Variants in EIF4G3 observed in about 807,000 individuals in gnomAD.
EIF4G3 encodes eukaryotic translation initiation factor 4 gamma 3.
EIF4G3 carries 34 observed loss-of-function variants against 186.4 expected under a neutral mutation model. That is an observed-to-expected ratio of 0.18 (90% CI 0.14 to 0.24). EIF4G3 has a LOEUF of 0.24. Among genes scored for constraint, EIF4G3 ranks in the 10% least tolerant of loss-of-function variants. EIF4G3 has a pLI of 1.00. For synonymous variants in EIF4G3, 673 were observed against 679.5 expected, an observed-to-expected ratio of 0.99 and a Z score of 0.15; for missense variants, 1,536 against 1,948.5, an observed-to-expected ratio of 0.79 and a Z score of 3.99.
chr1:20,991,963 A>C (rs10799677), intron 7 of EIF4G3, among the ~76,000 whole-genome samples: 66,225 of 152,006 alleles, frequency 0.44, 14,822 homozygotes, highest in Non-Finnish European at 0.48. Flanking sequence ...GCAGTTATTA[A>C]AACATCTCAG....
chr1:20,905,877 G>A (rs1437289790), intron 14 of EIF4G3, among the ~76,000 whole-genome samples: 1 of 152,082 alleles, frequency 6.6e-6, no homozygotes, highest in African/African-American at 2.4e-5. Flanking sequence ...AAGCTAAAGG[G>A]TATCATCTAA....
chr1:20,854,272 A>C (rs2074205920), intron 26 of EIF4G3, among the ~76,000 whole-genome samples: 1 of 152,110 alleles, frequency 6.6e-6, no homozygotes, highest in Non-Finnish European at 1.5e-5. Context: ...AGCTCCCTAA[A>C]ATTATAGTAA....
Position 20,851,478 on chromosome 1 carries a change from A to C in EIF4G3, c.3552T>G (p.Ser1184Arg). Residue 1184 changes from serine (S) to arginine (R), a missense_variant and splice_region_variant, in exon 28 of 37, where the codon AGT (serine) becomes AGG (arginine). Physicochemically the swap from Ser to Arg is moderately radical, Grantham distance 110 (BLOSUM62 -1). Coordinates refer to ENST00000602326, the MANE Select transcript of EIF4G3 (RefSeq NM_001391906.1). ...VEFDSRRTLTSRGSMGREKND... is the reference protein window; with the variant it reads ...VEFDSRRTLTRRGSMGREKND... ...TCTTCTCCCTGCCCATACTTCCACG[A>C]CTTAAAAGACAAAACAACACTTTTC... is the stretch of plus-strand genomic sequence containing the variant. 1 of 1,614,110 alleles carries C rather than the reference A, an allele frequency of 6.2e-7. No individual in the cohort carries two copies. The highest frequency in any genetic ancestry group is 1.1e-5 in the South Asian group (1 of 91,080).
chr1:20,871,681 T>C (rs781557844), intron 20 of EIF4G3, among the ~76,000 whole-genome samples: 1 of 152,202 alleles, frequency 6.6e-6, no homozygotes, highest in Non-Finnish European at 1.5e-5. Context: ...AAACAGGGGC[T>C]TGAAGGAAAC....
chr1:21,059,391 C>A (rs2094760835), intron 3 of EIF4G3, among the ~76,000 whole-genome samples: 1 of 152,042 alleles, frequency 6.6e-6, no homozygotes, highest in African/African-American at 2.4e-5. Context: ...TCCTTCAGGT[C>A]ATTTATTTCC....
chr1:20,942,345 A>T lies in EIF4G3; in HGVS notation c.824-15T>A. On this transcript the variant is annotated splice_polypyrimidine_tract_variant and intron_variant, in intron 13 of 36. Transcript: ENST00000602326. ...TGGCTTCTCCTCTGGGGAAAAAAAA[A>T]TAAGTTTTAAGAATAATTCTTGGAT... 6.5e-7 allele frequency: 1 copy of T among 1,537,268 alleles called. No homozygotes were observed. Among genetic ancestry groups the T allele is most frequent in the Non-Finnish European group, 8.7e-7 (1 of 1,147,614 alleles).
intron 4 of EIF4G3, among the ~76,000 whole-genome samples, chr1:21,006,596 A>T (rs1488898102): frequency 6.6e-6 from 1 of 152,234 alleles, no homozygotes; most frequent in Non-Finnish European, 1.5e-5. Context: ...CAATAGTGAC[A>T]GCAAACCAAG....
intron 28 of EIF4G3, among the ~76,000 whole-genome samples, chr1:20,850,227 T>G (rs1474905744): frequency 3.3e-4 from 50 of 152,216 alleles, no homozygotes; most frequent in Non-Finnish European, 1.5e-4. Flanking sequence ...TCACTGTGCA[T>G]CTGGTAAGTG....
intron 33 of EIF4G3, among the ~76,000 whole-genome samples, chr1:20,823,691 A>C (rs925496059): frequency 6.6e-6 from 1 of 151,748 alleles, no homozygotes; most frequent in African/African-American, 2.4e-5. Context: ...TTTCTTTTCA[A>C]ATCTCTTTAA....
intron 29 of EIF4G3, chr1:20,841,292 A>G (rs2068499303): frequency 3.9e-6 from 1 of 258,344 alleles, no homozygotes; most frequent in South Asian, 1.5e-4. Context: ...AGTTTTTACC[A>G]GAGAACTGTT....
At chr1:20,963,269 T>A (rs1432675678) in intron 12 of EIF4G3, among the ~76,000 whole-genome samples, 1 of 152,190 alleles carries the variant, frequency 6.6e-6, no homozygotes, top group Non-Finnish European at 1.5e-5. Flanking sequence ...TTAGGCAATA[T>A]GTCATCTGGA....
intron 7 of EIF4G3, among the ~76,000 whole-genome samples, chr1:20,989,858 G>A (rs1013081037): frequency 1.3e-5 from 2 of 152,174 alleles, no homozygotes; most frequent in African/African-American, 2.4e-5. Context: ...AGCATCACAT[G>A]CTGCAGAGAA....
chr1:20,815,778 T>TG (rs1243876653), intron 34 of EIF4G3, among the ~76,000 whole-genome samples: 25 of 59,320 alleles, frequency 4.2e-4, no homozygotes, highest in African/African-American at 1.0e-3. Context: ...AGGAGGGAGG[T>TG]GGGGGGGTCA....
At chr1:20,904,823 A>C in intron 15 of EIF4G3, 60 bp downstream of exon 15, 1 of 1,307,580 alleles carries the variant, frequency 7.6e-7, no homozygotes, top group South Asian at 1.2e-5. Context: ...AGGTATAAAC[A>C]CATACCTGTC....
chr1:20,993,867 T>A (rs928684090), intron 7 of EIF4G3, among the ~76,000 whole-genome samples: 2 of 152,340 alleles, frequency 1.3e-5, no homozygotes, highest in Non-Finnish European at 2.9e-5. Context: ...AATGTTTGTT[T>A]CCTCCAACAG....
At chr1:20,952,299 T>C (rs981509094) in intron 12 of EIF4G3, among the ~76,000 whole-genome samples, 5 of 151,730 alleles carry the variant, frequency 3.3e-5, no homozygotes, top group African/African-American at 1.2e-4. Context: ...GGGCTACAGG[T>C]GTGCGCCACC....
intron 19 of EIF4G3, among the ~76,000 whole-genome samples, chr1:20,881,054 G>A (rs1308482151): frequency 6.6e-6 from 1 of 152,120 alleles, no homozygotes; most frequent in East Asian, 1.9e-4. Context: ...CAAAAAGTTG[G>A]AGAATTGAAT....
intron 12 of EIF4G3, among the ~76,000 whole-genome samples, chr1:20,957,291 G>A (rs925519406): frequency 6.6e-6 from 1 of 151,998 alleles, no homozygotes; most frequent in African/African-American, 2.4e-5. Flanking sequence ...TTTCTACATG[G>A]TATCTGGGTT....
intron 3 of EIF4G3, among the ~76,000 whole-genome samples, chr1:21,080,449 G>GA (rs901400263): frequency 7.5e-4 from 109 of 144,504 alleles, no homozygotes; most frequent in African/African-American, 2.1e-3. Flanking sequence ...TCAAAAAAAA[G>GA]AAAAAAAAAA....
Sources: gnomAD v4.1 joint callset for allele counts (sites outside exome capture counted in the v4.1 genomes callset) on GRCh38, gnomAD v4.1.1 for gene constraint, MANE v1.5 for transcripts, NCBI Gene and HGNC (gene_info 2026-07-23, HGNC 2026-07-21) for gene names.